The following BCAN variants were observed in gnomAD, a reference collection of about 807,000 sequenced individuals.
BCAN encodes brevican core protein.
In BCAN, 51 loss-of-function variants were observed where a neutral mutation model predicts 92.4. The observed-to-expected ratio is 0.55, with a 90% CI of 0.44 to 0.70. The LOEUF is 0.70. BCAN is among the 30% of genes least tolerant of loss of function. BCAN has a pLI of 0.00. For synonymous variants in BCAN, 501 were observed against 505.2 expected (o/e 0.99, Z 0.11); for missense variants, 1,140 against 1,212.1 (o/e 0.94, Z 0.88).
In BCAN at chr1:156,647,837, A is replaced by G. The variant is rs183870190; in HGVS notation, c.642-146A>G. 1,231 of 1,532,044 alleles carry G rather than the reference A, an allele frequency of 8.0e-4. 2 individuals are homozygous for G. Among genetic ancestry groups the G allele is most frequent in the Non-Finnish European group, 1.0e-3 (1,141 of 1,109,342 alleles). The allele number at this position is 1,532,044 out of a possible 1,614,324, so 94.9% of individuals were successfully genotyped here. A position where few individuals can be genotyped will look rare whatever the true frequency, so the allele number is the denominator to read the frequency against. The stretch of plus-strand genomic sequence containing the variant: ...CTGAGGAGGGGAGGTGAGGACCCTG[A>G]GCATGTGCATCCCTGCAGTGCTAGA... On this transcript the variant is annotated intron_variant, in intron 4 of 13. Transcript: ENST00000329117. The surrounding 1 kb of genome is among the most constrained non-coding windows in gnomAD (Gnocchi z 4.8).
intron 6 of BCAN, among the ~76,000 whole-genome samples, 176 bp from the exon 7 acceptor site, chr1:156,651,280 G>A (rs775774973): frequency 3.9e-5 from 6 of 152,210 alleles, no homozygotes; most frequent in Non-Finnish European, 7.3e-5. Context: ...CACACTGTAG[G>A]CACTTGATGA....
intron 1 of BCAN, among the ~76,000 whole-genome samples, chr1:156,645,434 G>T (rs370334539): frequency 6.6e-6 from 1 of 152,338 alleles, no homozygotes; most frequent in African/African-American, 2.4e-5. Flanking sequence ...TGGGGAGGAA[G>T]TAGAGGAGAG....
rs1424324972 is a variant in BCAN, at chr1:156,647,714, T to G, written c.641+32T>G. ...AGGGGCTGTGGATTGGGGCTTCTAT[T>G]GGCCCCTGAGGTGGCCATGGCCCCC... On this transcript the variant is annotated intron_variant, in intron 4 of 13. Coordinates refer to ENST00000329117, the MANE Select transcript of BCAN (RefSeq NM_021948.5). The surrounding 1 kb of genome is among the most constrained non-coding windows in gnomAD (Gnocchi z 4.8). 1 of 1,563,210 alleles carries G rather than the reference T, an allele frequency of 6.4e-7. No homozygotes were observed. The highest frequency in any genetic ancestry group is 1.2e-5 in the South Asian group (1 of 83,744).
In BCAN at chr1:156,658,325, G is replaced by A. The variant is rs138674183; in HGVS notation, c.2437+54G>A. ...AAGGAAGTGGAGGGGTGGGCTAGGG[G>A]ACCAGAGGGACTGATGTTTGTAGAC... On this transcript the variant is annotated intron_variant, in intron 12 of 13. Transcript: ENST00000329117. The surrounding 1 kb of genome is among the most constrained non-coding windows in gnomAD (Gnocchi z 4.4). 9,393 of 1,593,168 alleles carry A rather than the reference G, an allele frequency of 5.9e-3. 39 individuals carry two copies. Among genetic ancestry groups the A allele is most frequent in the Middle Eastern group, 0.023 (138 of 5,958 alleles).
At chr1:156,646,716 G>T in intron 2 of BCAN, 85 bp from the exon 3 acceptor site, 5 of 1,494,284 alleles carry the variant, frequency 3.3e-6, no homozygotes, top group Non-Finnish European at 4.4e-6. Context: ...CGGAAGGAGG[G>T]ATCCTGGAGC....
chr1:156,659,206 C>T lies in BCAN; in HGVS notation c.*72C>T, dbSNP rs536649027. The T allele has an allele frequency of 3.9e-5, 45 of 1,156,516 alleles. No individual in the cohort carries two copies. In the African/African-American group the frequency reaches 5.8e-4, roughly 15 times the overall value. The allele number at this position is 1,156,516 out of a possible 1,614,324, so 71.6% of individuals were successfully genotyped here. On this transcript the variant is annotated 3_prime_UTR_variant, in exon 14 of 14. Transcript: ENST00000329117. ...CAAATTTTCCCTCACACCCTGCGCT[C>T]CCGCCACCACAGGAAGTGACAACAT...
intron 8 of BCAN, 22 bp from the exon 9 acceptor site, chr1:156,656,260 C>A (rs770612589): frequency 3.4e-6 from 5 of 1,462,072 alleles, no homozygotes. Flanking sequence ...CTCCCCCCGC[C>A]TCACTTCTTT....
At chr1:156,646,005 T>C in intron 1 of BCAN, 42 bp from the exon 2 acceptor site, 1 of 1,556,434 alleles carries the variant, frequency 6.4e-7, no homozygotes, top group Non-Finnish European at 8.8e-7. Flanking sequence ...AAGTCCATCC[T>C]GAAGTCTAAC....
chr1:156,646,838 G>T lies in BCAN; in HGVS notation c.129G>T (p.Ala43=). ...RAFRVRIAGD[A]PLQGVLGGAL... is the part of the protein sequence containing the mutation. ...TTCGCGTGCGCATCGCGGGCGACGC[G>T]CCACTGCAGGGCGTGCTCGGCGGCG... is the stretch of plus-strand genomic sequence containing the variant. The change falls in exon 3 of 14, where the codon GCG becomes GCT. Residue 43 remains alanine (A), a synonymous_variant. Transcript: ENST00000329117. 2 of 1,586,282 alleles carry T rather than the reference G, an allele frequency of 1.3e-6. No individual in the cohort carries two copies.
At chr1:156,654,589 G>A (rs115577920) in intron 8 of BCAN, among the ~76,000 whole-genome samples, 2,304 of 152,334 alleles carry the variant, frequency 0.015, 53 homozygotes, top group African/African-American at 0.053. Context: ...TGCCTGCGCT[G>A]GGTTCAGGTT....
At chr1:156,645,751 C>G (rs1440441833) in intron 1 of BCAN, among the ~76,000 whole-genome samples, 1 of 152,148 alleles carries the variant, frequency 6.6e-6, no homozygotes, top group Non-Finnish European at 1.5e-5. Flanking sequence ...GGTCCTATCT[C>G]AACTCATGAG....
At chr1:156,653,494 A>G (rs1679244499) in intron 8 of BCAN, 2 of 986,804 alleles carry the variant, frequency 2.0e-6, no homozygotes, top group African/African-American at 1.7e-5. Context: ...CTCTGTCTCC[A>G]TCTCCTGCTG....
At chr1:156,651,849 C>T (rs1040830970) in intron 7 of BCAN, among the ~76,000 whole-genome samples, 160 bp downstream of exon 7, 3 of 152,160 alleles carry the variant, frequency 2.0e-5, no homozygotes, top group African/African-American at 7.2e-5. Context: ...CCTCTCCCAA[C>T]CTTTGCTTTT....
In BCAN at chr1:156,656,966, C is replaced by T. The variant is rs754910033; in HGVS notation, c.2079C>T (p.Asp693=). The T allele has an allele frequency of 1.2e-6, 2 of 1,613,958 alleles. No individual in the cohort carries two copies. The highest frequency in any genetic ancestry group is 4.5e-5 in the East Asian group (2 of 44,888). ...TCCGCTTCTGCAACCCCGGCTGGGA[C>T]GCCTTCCAGGGCGCCTGCTACAAGC... The part of the protein sequence containing the change: ...VGLRFCNPGW[D]AFQGACYKHF... The change falls in exon 10 of 14, where the codon GAC becomes GAT. Residue 693 remains aspartate, a synonymous_variant. Transcript: ENST00000329117.
intron 5 of BCAN, 75 bp downstream of exon 5, chr1:156,648,185 G>A (rs1679049528): frequency 2.6e-6 from 4 of 1,563,430 alleles, no homozygotes; most frequent in Non-Finnish European, 3.5e-6. Context: ...CGGGGCCTCT[G>A]CAGGACCTTA....
chr1:156,653,130 G>T, intron 8 of BCAN: 1 of 1,411,064 alleles, frequency 7.1e-7, no homozygotes, highest in Non-Finnish European at 9.2e-7. Flanking sequence ...CTGACCATCT[G>T]TGACCCTTCC....
chr1:156,649,129 A>G (rs933279414), intron 6 of BCAN, among the ~76,000 whole-genome samples: 3 of 152,190 alleles, frequency 2.0e-5, no homozygotes, highest in African/African-American at 7.2e-5. Context: ...TGTTTGCTCC[A>G]GCTGGGCTGC....
chr1:156,646,397 A>G (rs570268769), intron 2 of BCAN: 277 of 506,082 alleles, frequency 5.5e-4, no homozygotes, highest in African/African-American at 4.4e-3. Flanking sequence ...TGAAGCTAGG[A>G]GGTGGGAAAG....
chr1:156,647,100 G>GACTCAGGT lies in BCAN; in HGVS notation c.393_400dup (p.Ile134ThrfsTer83). ...GGCGCTGAGCGAGCTGCGCCCCAACGACTCAGGTATCTATCGCTGTGAGGT... is the reference window on the plus strand; with the variant it reads ...GGCGCTGAGCGAGCTGCGCCCCAACGACTCAGGTACTCAGGTATCTATCGCTGTGAGGT... On this transcript the variant is annotated frameshift_variant, in exon 3 of 14. Transcript: ENST00000329117. LOFTEE classifies it high-confidence loss of function. The surrounding 1 kb of genome is among the most constrained non-coding windows in gnomAD (Gnocchi z 4.8). The GACTCAGGT allele has an allele frequency of 6.2e-7, 1 of 1,605,864 alleles. No individual in the cohort carries two copies. Among genetic ancestry groups the GACTCAGGT allele is most frequent in the Non-Finnish European group, 8.5e-7 (1 of 1,174,102 alleles).
Sources: gnomAD v4.1 joint callset for allele counts (sites outside exome capture counted in the v4.1 genomes callset) on GRCh38, gnomAD v4.1.1 for gene constraint, Gnocchi (gnomAD v3.1) non-coding constraint, MANE v1.5 for transcripts, NCBI Gene and HGNC (gene_info 2026-07-23, HGNC 2026-07-21) for gene names.